The following TPST1 variants were observed in gnomAD, a reference collection of about 807,000 sequenced individuals.
The protein encoded by TPST1 is tyrosylprotein sulfotransferase 1.
A neutral mutation model predicts 34.8 loss-of-function variants in TPST1; 20 were observed. The ratio of observed to expected loss-of-function variants is 0.57; its 90% CI spans 0.40 to 0.84. The LOEUF is 0.84. TPST1 is among the 40% of genes least tolerant of loss of function. The probability of loss-of-function intolerance (pLI) is 0.00; values close to 1 mark genes in which losing one functional copy is unlikely to be tolerated. For synonymous variants in TPST1, 152 were observed against 159.4 expected (o/e 0.95, Z 0.35); for missense variants, 353 against 455.5 (o/e 0.78, Z 2.05).
chr7:66,205,775 T>C lies in TPST1; in HGVS notation c.-102+253T>C, dbSNP rs880166. On this transcript the variant is annotated intron_variant, in intron 1 of 5. Transcript: ENST00000304842. The surrounding 1 kb of genome is among the most constrained non-coding windows in gnomAD (Gnocchi z 5.0). Reference sequence around the variant, plus strand: ...CCGCCGGGGCCTCTCCCCTCTGCCCTTTCTCTCCCTTCTCGCAGCCCTGGG... The same window carrying C: ...CCGCCGGGGCCTCTCCCCTCTGCCCCTTCTCTCCCTTCTCGCAGCCCTGGG... 97,816 of 151,682 alleles carry C rather than the reference T, an allele frequency of 0.64. 31,980 individuals carry two copies. The highest frequency in any genetic ancestry group is 0.74 in the African/African-American group (30,586 of 41,282). 9.4% of individuals were successfully genotyped at this position (151,682 alleles called of 1,614,324 possible).
In TPST1 at chr7:66,240,777, A is replaced by G. The variant is rs1208560279; in HGVS notation, c.352A>G (p.Ser118Gly). The G allele has an allele frequency of 6.2e-7, 1 of 1,614,124 alleles. No homozygotes were observed. The highest frequency in any genetic ancestry group is 2.2e-5 in the East Asian group (1 of 44,904). ...CCTGAAGCAGATGTGGTCACGGTCA[A>G]GTAAAGAGAAGATCCGCCTGGATGA... The part of the protein sequence containing the change: ...LALKQMWSRS[S>G]KEKIRLDEAG... Residue 118 changes from serine to glycine, a missense_variant, in exon 2 of 6, where the codon AGT (serine) becomes GGT (glycine). Transcript: ENST00000304842.
chr7:66,261,748 A>G (rs994781877), intron 2 of TPST1, among the ~76,000 whole-genome samples: 3 of 152,176 alleles, frequency 2.0e-5, no homozygotes, highest in Non-Finnish European at 1.5e-5. Context: ...TGAATCAGAT[A>G]CCTAACCTTT....
intron 1 of TPST1, among the ~76,000 whole-genome samples, chr7:66,222,262 G>C (rs1789558312): frequency 6.6e-6 from 1 of 152,068 alleles, no homozygotes; most frequent in Non-Finnish European, 1.5e-5. Context: ...GCAGGCACCT[G>C]TAGTCCCAGC....
chr7:66,204,507 C>A (rs1355341873), upstream of TPST1, among the ~76,000 whole-genome samples: 2 of 152,254 alleles, frequency 1.3e-5, no homozygotes, highest in Non-Finnish European at 2.9e-5. Flanking sequence ...TGAGCCACCC[C>A]ACCTGGCCTA....
At chr7:66,221,600 A>C (rs954113616) in intron 1 of TPST1, 2 of 152,212 alleles carry the variant, frequency 1.3e-5, no homozygotes, top group African/African-American at 4.8e-5. Flanking sequence ...AATCGATTTG[A>C]ATCATTACAG....
At chr7:66,322,207 C>T (rs964971147) in intron 3 of TPST1, among the ~76,000 whole-genome samples, 4 of 152,108 alleles carry the variant, frequency 2.6e-5, no homozygotes, top group Non-Finnish European at 4.4e-5. Flanking sequence ...TCTTTTAGAT[C>T]TGTAACCTGC....
intron 3 of TPST1, among the ~76,000 whole-genome samples, chr7:66,324,467 GA>G (rs1205766050): frequency 4.6e-5 from 7 of 151,732 alleles, no homozygotes; most frequent in South Asian, 2.1e-4. Flanking sequence ...TTAAAATGGG[GA>G]AAAAAAAGAT....
intron 1 of TPST1, among the ~76,000 whole-genome samples, chr7:66,225,295 T>C (rs774233193): frequency 2.6e-5 from 4 of 151,948 alleles, no homozygotes; most frequent in Non-Finnish European, 5.9e-5. Flanking sequence ...TGTCTGAAAA[T>C]ACAGCAAAGT....
chr7:66,344,605 G>A (rs2116344919), intron 3 of TPST1, among the ~76,000 whole-genome samples: 1 of 152,054 alleles, frequency 6.6e-6, no homozygotes, highest in Non-Finnish European at 1.5e-5. Context: ...TGGAGATGGG[G>A]TTTCACCATC....
At chr7:66,228,490 C>T (rs1451876648) in intron 1 of TPST1, among the ~76,000 whole-genome samples, 1 of 152,106 alleles carries the variant, frequency 6.6e-6, no homozygotes, top group Non-Finnish European at 1.5e-5. Flanking sequence ...TATCTTCCCT[C>T]ATGTATCATA....
the TPST1 span, among the ~76,000 whole-genome samples, chr7:66,199,294 C>CTT: frequency 5.7e-3 from 720 of 125,840 alleles, 27 homozygotes; most frequent in East Asian, 0.036. Flanking sequence ...TCATCTCCTT[C>CTT]TTTTTTTTTT....
intron 4 of TPST1, among the ~76,000 whole-genome samples, chr7:66,356,147 A>C (rs1315452010): frequency 3.3e-5 from 5 of 152,214 alleles, no homozygotes; most frequent in Non-Finnish European, 1.5e-5. Context: ...GCAGAAACTC[A>C]TAGAACCTTC....
intron 1 of TPST1, among the ~76,000 whole-genome samples, chr7:66,214,594 T>C (rs1789348876): frequency 6.6e-6 from 1 of 151,152 alleles, no homozygotes; most frequent in African/African-American, 2.4e-5. Flanking sequence ...GGCAGGCAGA[T>C]TGCTTGAGCC....
chr7:66,319,732 T>A (rs1446669010), intron 3 of TPST1, among the ~76,000 whole-genome samples: 1 of 152,262 alleles, frequency 6.6e-6, no homozygotes, highest in East Asian at 1.9e-4. Flanking sequence ...TCTTAAATAC[T>A]GACTTGATAG....
intron 3 of TPST1, among the ~76,000 whole-genome samples, chr7:66,296,466 T>C (rs1791200833): frequency 6.6e-6 from 1 of 152,054 alleles, no homozygotes; most frequent in African/African-American, 2.4e-5. Context: ...AGTCAGATGC[T>C]AATGTATCCA....
intron 2 of TPST1, among the ~76,000 whole-genome samples, chr7:66,273,066 T>C (rs1449223159): frequency 6.6e-6 from 1 of 152,216 alleles, no homozygotes; most frequent in Non-Finnish European, 1.5e-5. Context: ...TTAGAACTAG[T>C]TAATGAATTC....
At chr7:66,282,005 G>A (rs973134859) in intron 2 of TPST1, among the ~76,000 whole-genome samples, 1 of 152,200 alleles carries the variant, frequency 6.6e-6, no homozygotes, top group African/African-American at 2.4e-5. Context: ...CTGAGTCACA[G>A]ATATCTTGTC....
chr7:66,340,806 T>C (rs1327995474), intron 3 of TPST1, among the ~76,000 whole-genome samples: 1 of 152,008 alleles, frequency 6.6e-6, no homozygotes, highest in African/African-American at 2.4e-5. Flanking sequence ...TGTTATGGAG[T>C]TCGAGACCAG....
At chr7:66,210,577 G>GA (rs1031604265) in intron 1 of TPST1, among the ~76,000 whole-genome samples, 2 of 152,234 alleles carry the variant, frequency 1.3e-5, no homozygotes, top group African/African-American at 4.8e-5. Flanking sequence ...CTTCCCATGA[G>GA]ATGGTGATAG....
Sources: gnomAD v4.1 joint callset for allele counts (sites outside exome capture counted in the v4.1 genomes callset) on GRCh38, gnomAD v4.1.1 for gene constraint, Gnocchi (gnomAD v3.1) non-coding constraint, MANE v1.5 for transcripts, NCBI Gene and HGNC (gene_info 2026-07-23, HGNC 2026-07-21) for gene names.